The following TMEM232 variants were observed in gnomAD, a reference collection of about 807,000 sequenced individuals.
The protein encoded by TMEM232 is transmembrane protein 232.
In TMEM232, 80 loss-of-function variants were observed where a neutral mutation model predicts 78.8. That is an observed-to-expected ratio of 1.01 (90% CI 0.85 to 1.22). The LOEUF is 1.22. Among genes scored for constraint, TMEM232 ranks in the 50% most tolerant of loss-of-function variants. The pLI is 0.00. For missense variants in TMEM232, 881 were observed against 742.2 expected (o/e 1.19, Z -2.17); for synonymous variants, 297 against 254.3 (o/e 1.17, Z -1.60).
chr5:110,508,157 A>AGACTC (rs1767172964), intron 12 of TMEM232, among the ~76,000 whole-genome samples: 2 of 152,152 alleles, frequency 1.3e-5, no homozygotes, highest in African/African-American at 4.8e-5. Flanking sequence ...TGGCTCAACA[A>AGACTC]GACTCAGGTT....
chr5:110,605,085 C>G, intron 10 of TMEM232, 24 bp downstream of exon 10: 1 of 1,506,992 alleles, frequency 6.6e-7, no homozygotes, highest in Non-Finnish European at 8.9e-7. Context: ...TATTACTCAT[C>G]AAAGTAAAAA....
At chr5:110,426,732 T>C (rs1029766252) in intron 12 of TMEM232, among the ~76,000 whole-genome samples, 4 of 151,796 alleles carry the variant, frequency 2.6e-5, no homozygotes, top group Admixed American at 1.3e-4. Context: ...ATTAAAGTAC[T>C]GTATTACAGA....
intron 1 of TMEM232, among the ~76,000 whole-genome samples, chr5:110,671,452 T>A (rs534017171): frequency 6.6e-6 from 1 of 152,274 alleles, no homozygotes; most frequent in South Asian, 2.1e-4. Flanking sequence ...TGCACACGTA[T>A]GTTTACTGCA....
chr5:110,668,716 A>T (rs538773213), intron 1 of TMEM232, among the ~76,000 whole-genome samples: 1 of 152,284 alleles, frequency 6.6e-6, no homozygotes, highest in South Asian at 2.1e-4. Flanking sequence ...AAAATTGACC[A>T]CATAGTTGGA....
At chr5:110,452,166 C>T (rs1224140150) in intron 12 of TMEM232, among the ~76,000 whole-genome samples, 4 of 151,986 alleles carry the variant, frequency 2.6e-5, no homozygotes, top group Non-Finnish European at 1.5e-5. Flanking sequence ...CAAAAATATT[C>T]CATGTCCATA....
At chr5:110,632,036 A>C (rs1785197813) in intron 5 of TMEM232, among the ~76,000 whole-genome samples, 1 of 152,022 alleles carries the variant, frequency 6.6e-6, no homozygotes, top group Non-Finnish European at 1.5e-5. Flanking sequence ...ACTGGGGACC[A>C]AAGACTAACC....
intron 4 of TMEM232, among the ~76,000 whole-genome samples, chr5:110,639,002 C>T (rs1786296597): frequency 6.6e-6 from 1 of 152,180 alleles, no homozygotes; most frequent in African/African-American, 2.4e-5. Context: ...CTTCTCAAAT[C>T]ATTACAAAAG....
intron 13 of TMEM232, among the ~76,000 whole-genome samples, chr5:110,422,317 C>T (rs1240024986): frequency 6.6e-6 from 1 of 151,548 alleles, no homozygotes; most frequent in East Asian, 1.9e-4. Context: ...AGATGGAGAC[C>T]ATCCTGGCTA....
intron 12 of TMEM232, among the ~76,000 whole-genome samples, chr5:110,503,700 C>T (rs1420488157): frequency 6.6e-6 from 1 of 152,130 alleles, no homozygotes; most frequent in East Asian, 1.9e-4. Flanking sequence ...TAAACAAGAT[C>T]TTTGTTTTCC....
At chr5:110,727,025 G>A (rs1030987566), upstream of TMEM232, among the ~76,000 whole-genome samples, 7 of 152,110 alleles carry the variant, frequency 4.6e-5, no homozygotes, top group African/African-American at 1.7e-4. Context: ...TTAAATTGCC[G>A]TTCGTAAGTT....
intron 6 of TMEM232, chr5:110,625,729 T>C (rs572925733): frequency 2.9e-4 from 51 of 177,498 alleles, no homozygotes; most frequent in Non-Finnish European, 5.2e-4. Context: ...CAGATGAAAA[T>C]AAATCAAGCT....
intron 12 of TMEM232, among the ~76,000 whole-genome samples, chr5:110,460,759 C>T (rs562225852): frequency 1.3e-5 from 2 of 151,646 alleles, no homozygotes; most frequent in East Asian, 1.9e-4. Context: ...TGTGCGCACT[C>T]GGTGTCTCTG....
chr5:110,721,538 G>C (rs1005502075), intron 1 of TMEM232, among the ~76,000 whole-genome samples: 1 of 150,666 alleles, frequency 6.6e-6, no homozygotes, highest in African/African-American at 2.4e-5. Flanking sequence ...CAAGATAACA[G>C]TATCACAACC....
At chr5:110,558,858 G>A (rs1421508797) in intron 11 of TMEM232, among the ~76,000 whole-genome samples, 1 of 152,140 alleles carries the variant, frequency 6.6e-6, no homozygotes, top group Admixed American at 6.5e-5. Flanking sequence ...TGGCAAGAGT[G>A]GGCTATCCCA....
At chr5:110,738,210 G>A (rs1429074380), upstream of TMEM232, 7 of 1,286,794 alleles carry the variant, frequency 5.4e-6, no homozygotes, top group South Asian at 5.0e-5. Context: ...TCTGGGGAGG[G>A]AGCCTGGCCC....
chr5:110,477,478 T>C (rs1763372779), intron 12 of TMEM232, among the ~76,000 whole-genome samples: 1 of 151,916 alleles, frequency 6.6e-6, no homozygotes, highest in Non-Finnish European at 1.5e-5. Context: ...CAAATAATTA[T>C]ATGTAATTAT....
chr5:110,681,592 G>A (rs1212406561), intron 1 of TMEM232, among the ~76,000 whole-genome samples: 2 of 152,180 alleles, frequency 1.3e-5, no homozygotes, highest in Admixed American at 1.3e-4. Context: ...CCGAAAAAAG[G>A]GGGTTTGTGT....
intron 2 of TMEM232, among the ~76,000 whole-genome samples, chr5:110,655,947 C>T (rs915883532): frequency 6.7e-6 from 1 of 148,976 alleles, no homozygotes; most frequent in Non-Finnish European, 1.5e-5. Context: ...AGGAGATATA[C>T]CTAATGCTAA....
chr5:110,676,198 C>G (rs1308118246), intron 1 of TMEM232, among the ~76,000 whole-genome samples: 3 of 152,150 alleles, frequency 2.0e-5, no homozygotes, highest in African/African-American at 7.2e-5. Flanking sequence ...AATTTTATAT[C>G]TTGGCTATTG....
Sources: gnomAD v4.1 joint callset for allele counts (sites outside exome capture counted in the v4.1 genomes callset) on GRCh38, gnomAD v4.1.1 for gene constraint, MANE v1.5 for transcripts, NCBI Gene and HGNC (gene_info 2026-07-23, HGNC 2026-07-21) for gene names.